The following EPB41L4A variants were observed in gnomAD, a reference collection of about 807,000 sequenced individuals.
EPB41L4A encodes erythrocyte membrane protein band 4.1 like 4A.
Under a neutral mutation model 108.6 loss-of-function variants are expected in EPB41L4A, and 100 were observed. That is an observed-to-expected ratio of 0.92 (90% CI 0.78 to 1.09). EPB41L4A has a LOEUF of 1.09. EPB41L4A is among the 50% of genes least tolerant of loss of function. The probability of loss-of-function intolerance (pLI) is 0.00; values close to 1 mark genes in which losing one functional copy is unlikely to be tolerated. For synonymous variants in EPB41L4A, 319 were observed against 289.0 expected, an observed-to-expected ratio of 1.10 and a Z score of -1.05; for missense variants, 1,030 against 842.7, an observed-to-expected ratio of 1.22 and a Z score of -2.75.
At chr5:112,293,907 A>C (rs150662365) in intron 2 of EPB41L4A, among the ~76,000 whole-genome samples, 2 of 152,360 alleles carry the variant, frequency 1.3e-5, no homozygotes, top group East Asian at 3.9e-4. Flanking sequence ...AACACTGTTT[A>C]ACCAAGAAGA....
At chr5:112,239,556 G>T in intron 11 of EPB41L4A, 104 bp downstream of exon 11, 5 of 672,024 alleles carry the variant, frequency 7.4e-6, no homozygotes, top group Non-Finnish European at 6.9e-6. Context: ...GGCAATGCAA[G>T]AAAAAAGAAA....
At chr5:112,142,688 T>G (rs1759111263) in exon 14 of EPB41L4A, 1 of 152,258 alleles carries the variant, frequency 6.6e-6, no homozygotes, top group African/African-American at 2.4e-5. Context: ...AATGAGATTT[T>G]CGGTCAGAAG....
At position 112,228,817 on chromosome 5, in the gene EPB41L4A, G is replaced by T. The variant is rs908710904; in HGVS notation, c.1087+5817C>A. On this transcript the variant is annotated intron_variant, in intron 12 of 22. Coordinates refer to ENST00000261486, the MANE Select transcript of EPB41L4A (RefSeq NM_022140.5). Reference sequence around the variant, plus strand: ...AGCTCCTCTGAGGCAGTTTAGACTTGCAGGAATGCTCTGGCTGCCTGCCCT... The same window carrying T: ...AGCTCCTCTGAGGCAGTTTAGACTTTCAGGAATGCTCTGGCTGCCTGCCCT... The T allele has an allele frequency of 1.3e-5, 11 of 858,920 alleles. No homozygotes were observed. In the African/African-American group the frequency reaches 1.6e-4, roughly 13 times the overall value. The allele number at this position is 858,920 out of a possible 1,614,324, so 53.2% of individuals were successfully genotyped here. A position where few individuals can be genotyped will look rare whatever the true frequency, so the allele number is the denominator to read the frequency against.
intron 9 of EPB41L4A, among the ~76,000 whole-genome samples, chr5:112,256,492 C>T (rs1246467197): frequency 2.0e-5 from 3 of 151,816 alleles, no homozygotes; most frequent in Non-Finnish European, 4.4e-5. Flanking sequence ...TTCGGCAAAA[C>T]GACTAGATAT....
At chr5:112,193,556 C>T (rs988430045) in intron 17 of EPB41L4A, among the ~76,000 whole-genome samples, 2 of 152,232 alleles carry the variant, frequency 1.3e-5, no homozygotes, top group Admixed American at 6.5e-5. Flanking sequence ...CTGCCTTGGC[C>T]TCCCAAAGTG....
At chr5:112,295,390 T>C (rs552822817) in intron 2 of EPB41L4A, among the ~76,000 whole-genome samples, 6 of 152,332 alleles carry the variant, frequency 3.9e-5, no homozygotes, top group Admixed American at 1.3e-4. Flanking sequence ...TGGGTAAACA[T>C]AGTTTTAAGA....
intron 1 of EPB41L4A, among the ~76,000 whole-genome samples, chr5:112,373,121 T>A (rs1208590522): frequency 6.6e-6 from 1 of 152,178 alleles, no homozygotes; most frequent in Non-Finnish European, 1.5e-5. Flanking sequence ...GAGCAGGAAC[T>A]CCTGCTCTAT....
intron 1 of EPB41L4A, among the ~76,000 whole-genome samples, chr5:112,373,830 CAT>C (rs1262808756): frequency 1.3e-5 from 2 of 152,292 alleles, no homozygotes; most frequent in Non-Finnish European, 2.9e-5. Context: ...GTATCTAACA[CAT>C]ATTTTAATGG....
chr5:112,320,439 C>T (rs1755699224), intron 1 of EPB41L4A, among the ~76,000 whole-genome samples: 1 of 152,202 alleles, frequency 6.6e-6, no homozygotes, highest in Admixed American at 6.5e-5. Flanking sequence ...GTCATTTTAA[C>T]ATTTATAACC....
intron 2 of EPB41L4A, among the ~76,000 whole-genome samples, chr5:112,300,357 C>A (rs961324627): frequency 1.3e-5 from 2 of 152,148 alleles, no homozygotes; most frequent in Non-Finnish European, 2.9e-5. Context: ...CTGGCAAATT[C>A]TCTCAGCATT....
intron 12 of EPB41L4A, among the ~76,000 whole-genome samples, chr5:112,210,706 G>C (rs905429615): frequency 2.6e-5 from 4 of 152,084 alleles, no homozygotes; most frequent in Admixed American, 1.3e-4. Flanking sequence ...TCTCAGGGCA[G>C]AGGTAGATAA....
chr5:112,246,431 T>C (rs1329291492), intron 9 of EPB41L4A, among the ~76,000 whole-genome samples: 1 of 152,134 alleles, frequency 6.6e-6, no homozygotes, highest in Non-Finnish European at 1.5e-5. Flanking sequence ...CTGTATAGCC[T>C]AGGTATTGTG....
At chr5:112,248,833 G>C (rs1204636364) in intron 9 of EPB41L4A, among the ~76,000 whole-genome samples, 1 of 152,090 alleles carries the variant, frequency 6.6e-6, no homozygotes, top group East Asian at 1.9e-4. Flanking sequence ...CCTGGGCCTA[G>C]TCCCATTTCA....
intron 18 of EPB41L4A, among the ~76,000 whole-genome samples, chr5:112,175,016 C>T (rs150102992): frequency 3.4e-4 from 52 of 152,290 alleles, no homozygotes; most frequent in African/African-American, 1.2e-3. Flanking sequence ...TGCTGAAGAT[C>T]GCTCAGGAGG....
chr5:112,179,949 T>C (rs1485725136), intron 18 of EPB41L4A, among the ~76,000 whole-genome samples: 1 of 152,116 alleles, frequency 6.6e-6, no homozygotes, highest in Non-Finnish European at 1.5e-5. Flanking sequence ...AGCTAGTAAG[T>C]GAATTTAACA....
chr5:112,379,731 G>A (rs982514359), intron 1 of EPB41L4A, among the ~76,000 whole-genome samples: 3 of 152,132 alleles, frequency 2.0e-5, no homozygotes, highest in Non-Finnish European at 2.9e-5. Flanking sequence ...ACCAAACTCA[G>A]ACTTTGATCT....
chr5:112,405,509 T>TA (rs567424589), intron 1 of EPB41L4A, among the ~76,000 whole-genome samples: 2 of 152,208 alleles, frequency 1.3e-5, no homozygotes, highest in Admixed American at 1.3e-4. Flanking sequence ...TAAGGCTACT[T>TA]AGAGTCTCTA....
chr5:112,215,317 A>G (rs577807632), intron 12 of EPB41L4A, among the ~76,000 whole-genome samples: 1 of 152,360 alleles, frequency 6.6e-6, no homozygotes, highest in Admixed American at 6.5e-5. Flanking sequence ...GCCACAGGTG[A>G]TCTGCAATCA....
intron 12 of EPB41L4A, among the ~76,000 whole-genome samples, chr5:112,219,343 TTC>T (rs1449881996): frequency 2.0e-5 from 3 of 152,150 alleles, no homozygotes; most frequent in Admixed American, 2.0e-4. Context: ...CTGGCACTCA[TTC>T]TCTCTCCTGC....
Sources: allele counts gnomAD v4.1 joint callset (sites outside exome capture counted in the v4.1 genomes callset), GRCh38; gene constraint gnomAD v4.1.1; transcripts MANE v1.5; gene names NCBI Gene and HGNC (gene_info 2026-07-23, HGNC 2026-07-21).